The following SEMA3D variants were observed in gnomAD, a reference collection of about 807,000 sequenced individuals.
The protein encoded by SEMA3D is semaphorin 3D.
SEMA3D carries 84 observed loss-of-function variants against 100.1 expected under a neutral mutation model. The ratio of observed to expected loss-of-function variants is 0.84; its 90% CI spans 0.70 to 1.01. SEMA3D has a LOEUF of 1.01. Ranked by LOEUF, SEMA3D falls within the 50% of genes least tolerant of loss-of-function variation. The probability of loss-of-function intolerance (pLI) is 0.00; values close to 1 mark genes in which losing one functional copy is unlikely to be tolerated. For synonymous variants in SEMA3D, 312 were observed against 320.7 expected (o/e 0.97, Z 0.29); for missense variants, 875 against 934.1 (o/e 0.94, Z 0.82).
intron 8 of SEMA3D, 114 bp downstream of exon 8, chr7:85,065,310 A>G (rs576069757): frequency 3.2e-5 from 30 of 924,298 alleles, no homozygotes; most frequent in Middle Eastern, 2.7e-4. Flanking sequence ...TGTATTTTAT[A>G]ATGTTGAGCT....
intron 3 of SEMA3D, among the ~76,000 whole-genome samples, chr7:85,114,457 A>G (rs1789180255): frequency 6.6e-6 from 1 of 152,176 alleles, no homozygotes; most frequent in Non-Finnish European, 1.5e-5. Context: ...GTGAGCAGCA[A>G]AGGATTATCA....
the SEMA3D span, among the ~76,000 whole-genome samples, chr7:85,246,272 C>T: frequency 8.5e-5 from 13 of 152,120 alleles, no homozygotes; most frequent in South Asian, 2.1e-3. Context: ...TTAAGGCAGA[C>T]TGAGTTATTC....
At chr7:85,129,532 T>C (rs1789666109) in intron 2 of SEMA3D, among the ~76,000 whole-genome samples, 2 of 152,112 alleles carry the variant, frequency 1.3e-5, no homozygotes, top group African/African-American at 4.8e-5. Flanking sequence ...CATACAGAAG[T>C]TATAGTTGCC....
At chr7:85,230,488 C>T in the SEMA3D span, among the ~76,000 whole-genome samples, 1 of 152,134 alleles carries the variant, frequency 6.6e-6, no homozygotes, top group East Asian at 1.9e-4. Context: ...TTATTCCTCA[C>T]CCTCACTAAA....
intron 1 of SEMA3D, among the ~76,000 whole-genome samples, chr7:85,175,712 A>AT (rs1791205341): frequency 6.6e-6 from 1 of 152,076 alleles, no homozygotes; most frequent in Non-Finnish European, 1.5e-5. Flanking sequence ...CATGCAGGTC[A>AT]TTTTTCAGAC....
chr7:85,056,995 G>A (rs1047835678), intron 8 of SEMA3D, among the ~76,000 whole-genome samples: 18 of 150,738 alleles, frequency 1.2e-4, no homozygotes, highest in Non-Finnish European at 2.4e-4. Flanking sequence ...TAGTTATGGG[G>A]CTGATAAGCA....
At chr7:85,148,421 C>T (rs903560318) in intron 2 of SEMA3D, among the ~76,000 whole-genome samples, 1 of 152,186 alleles carries the variant, frequency 6.6e-6, no homozygotes, top group East Asian at 1.9e-4. Flanking sequence ...TTCAAGGACT[C>T]TCATATTTGA....
At chr7:85,076,675 G>C (rs187888027) in intron 5 of SEMA3D, among the ~76,000 whole-genome samples, 5 of 152,234 alleles carry the variant, frequency 3.3e-5, no homozygotes, top group Admixed American at 3.3e-4. Flanking sequence ...AATGTGTGTT[G>C]CAGAATATTG....
At chr7:85,096,126 A>C (rs1398146858) in intron 4 of SEMA3D, among the ~76,000 whole-genome samples, 1 of 151,962 alleles carries the variant, frequency 6.6e-6, no homozygotes, top group African/African-American at 2.4e-5. Flanking sequence ...CTCTTAAAGC[A>C]AAATTGCAAA....
intron 18 of SEMA3D, among the ~76,000 whole-genome samples, chr7:85,006,400 A>C (rs1789797219): frequency 6.6e-6 from 1 of 151,950 alleles, no homozygotes; most frequent in Non-Finnish European, 1.5e-5. Flanking sequence ...TTTCTGTTTT[A>C]ATATAACCCT....
chr7:85,181,314 C>A (rs932967134), intron 1 of SEMA3D, among the ~76,000 whole-genome samples: 1 of 105,356 alleles, frequency 9.5e-6, no homozygotes. Context: ...TAAAGACATG[C>A]TCACAACACA....
chr7:85,042,869 G>GA (rs905316090), intron 9 of SEMA3D, among the ~76,000 whole-genome samples: 1 of 151,920 alleles, frequency 6.6e-6, no homozygotes. Context: ...AGTAAATGGG[G>GA]AAAAAAAGTC....
chr7:85,238,860 T>C, the SEMA3D span, among the ~76,000 whole-genome samples: 1 of 152,156 alleles, frequency 6.6e-6, no homozygotes, highest in African/African-American at 2.4e-5. Flanking sequence ...GTCCTTCTTT[T>C]GTTTCATCAG....
At chr7:85,102,286 T>G (rs933829977) in intron 3 of SEMA3D, among the ~76,000 whole-genome samples, 1 of 151,954 alleles carries the variant, frequency 6.6e-6, no homozygotes, top group Non-Finnish European at 1.5e-5. Context: ...CAGGAACACA[T>G]GTTACTCCAG....
chr7:84,996,663 G>A lies in SEMA3D; in HGVS notation c.*2777C>T, dbSNP rs912082599. ...GGGATTCTATTTAGCAGCATAAATT[G>A]CTGAAATGAAATTCAGAAAAGAACA... On this transcript the variant is annotated 3_prime_UTR_variant, in exon 19 of 19. Coordinates refer to ENST00000284136, the MANE Select transcript of SEMA3D (RefSeq NM_001384900.1). The A allele has an allele frequency of 2.0e-5, 3 of 152,468 alleles. No homozygotes were observed. The highest frequency in any genetic ancestry group is 3.9e-4 in the East Asian group (2 of 5,184). 9.4% of individuals were successfully genotyped at this position (152,468 alleles called of 1,614,324 possible). A position where few individuals can be genotyped will look rare whatever the true frequency, so the allele number is the denominator to read the frequency against.
At position 85,018,092 on chromosome 7, in the gene SEMA3D, G is replaced by C. The variant is rs139600708; in HGVS notation, c.1545+160C>G. 4.9e-3 allele frequency among the ~76,000 whole-genome samples: 748 copies of C among 151,776 alleles called. 11 individuals carry two copies. The highest frequency in any genetic ancestry group is 0.017 in the African/African-American group (698 of 41,480). ...TTGGCTCAATTTCTCCCAAGGCAAG[G>C]CTGAAACAATGGTCTCTAATGAATT... On this transcript the variant is annotated intron_variant, in intron 15 of 18. Transcript: ENST00000284136.
intron 13 of SEMA3D, among the ~76,000 whole-genome samples, chr7:85,021,647 T>C (rs1045706823): frequency 1.3e-5 from 2 of 151,802 alleles, no homozygotes; most frequent in African/African-American, 4.8e-5. Context: ...TGTTGAAAAT[T>C]CTTAATTTTT....
Position 85,015,041 on chromosome 7 carries a change from A to C in SEMA3D, c.1703+18T>G, listed in dbSNP as rs1296025667. On this transcript the variant is annotated intron_variant, in intron 16 of 18. Coordinates refer to ENST00000284136, the MANE Select transcript of SEMA3D (RefSeq NM_001384900.1). ...TTGTAGAAAGGAAGCCTTTATATTA[A>C]CTCCATGTGCCTCTTACCTTTTAGA... 6.3e-7 allele frequency: 1 copy of C among 1,599,798 alleles called. No individual in the cohort carries two copies. The highest frequency in any genetic ancestry group is 2.2e-5 in the East Asian group (1 of 44,512).
chr7:85,209,215 G>T, the SEMA3D span, among the ~76,000 whole-genome samples: 1 of 151,868 alleles, frequency 6.6e-6, no homozygotes, highest in Non-Finnish European at 1.5e-5. Flanking sequence ...ATTTCTTTTT[G>T]TAGTGCATAT....
Sources: allele counts gnomAD v4.1 joint callset (sites outside exome capture counted in the v4.1 genomes callset), GRCh38; gene constraint gnomAD v4.1.1; transcripts MANE v1.5; gene names NCBI Gene and HGNC (gene_info 2026-07-23, HGNC 2026-07-21).